Variants in CAMK2D observed in about 807,000 individuals in gnomAD.
CAMK2D encodes calcium/calmodulin-dependent protein kinase type II subunit delta.
CAMK2D carries 37 observed loss-of-function variants against 84.0 expected under a neutral mutation model. The observed-to-expected ratio is 0.44, with a 90% CI of 0.34 to 0.58. The LOEUF is 0.58. CAMK2D is among the 20% of genes least tolerant of loss of function. CAMK2D has a pLI of 0.02. For synonymous variants in CAMK2D, 202 were observed against 212.5 expected, an observed-to-expected ratio of 0.95 and a Z score of 0.43; for missense variants, 448 against 652.5, an observed-to-expected ratio of 0.69 and a Z score of 3.41.
intron 2 of CAMK2D, among the ~76,000 whole-genome samples, chr4:113,686,683 C>G (rs562420042): frequency 6.6e-6 from 1 of 152,180 alleles, no homozygotes; most frequent in Admixed American, 6.5e-5. Context: ...ATCTGGAGTC[C>G]TACAATGCTC....
Position 113,761,225 on chromosome 4 carries a change from G to C in CAMK2D, c.-157C>G, listed in dbSNP as rs1594297041. 1 of 1,503,360 alleles carries C rather than the reference G, an allele frequency of 6.7e-7. No homozygotes were observed. The highest frequency in any genetic ancestry group is 2.5e-5 in the East Asian group (1 of 40,734). The allele number at this position is 1,503,360 out of a possible 1,614,324, so 93.1% of individuals were successfully genotyped here. ...CGCCCGCGAGGGAGTGTGCGCAGGG[G>C]CGGGGCGGGAGGGGAGATGACCAGA... On this transcript the variant is annotated 5_prime_UTR_variant, in exon 1 of 21. Coordinates refer to ENST00000511664, the MANE Select transcript of CAMK2D (RefSeq NM_001321571.2).
chr4:113,563,097 T>G (rs1482841364), intron 4 of CAMK2D, among the ~76,000 whole-genome samples: 1 of 151,918 alleles, frequency 6.6e-6, no homozygotes, highest in Non-Finnish European at 1.5e-5. Context: ...CTACTAAAAA[T>G]ACAAAAGTTA....
At chr4:113,603,773 T>TTA (rs139576985) in intron 4 of CAMK2D, among the ~76,000 whole-genome samples, 25,227 of 127,256 alleles carry the variant, frequency 0.2, 2,567 homozygotes, top group Non-Finnish European at 0.25. Flanking sequence ...TCTTGCTATT[T>TTA]TATATATATA....
At chr4:113,725,999 CAT>C (rs1160513443) in intron 2 of CAMK2D, among the ~76,000 whole-genome samples, 3 of 152,146 alleles carry the variant, frequency 2.0e-5, no homozygotes, top group Non-Finnish European at 4.4e-5. Context: ...AAAGTGAAAG[CAT>C]AGAGATGAAA....
chr4:113,575,471 T>C (rs948224037), intron 4 of CAMK2D, among the ~76,000 whole-genome samples: 7 of 152,180 alleles, frequency 4.6e-5, no homozygotes, highest in African/African-American at 7.2e-5. Flanking sequence ...AAAATATAAT[T>C]TTCTTAAAGA....
intron 3 of CAMK2D, among the ~76,000 whole-genome samples, chr4:113,640,565 A>G (rs1210659808): frequency 6.6e-6 from 1 of 152,188 alleles, no homozygotes; most frequent in Admixed American, 6.5e-5. Flanking sequence ...CAGTATTGTA[A>G]TGGGGAAGGT....
chr4:113,731,004 A>C (rs2099567465), intron 2 of CAMK2D, among the ~76,000 whole-genome samples: 1 of 152,196 alleles, frequency 6.6e-6, no homozygotes, highest in Non-Finnish European at 1.5e-5. Flanking sequence ...ACATATTTCA[A>C]ATGACTGACT....
chr4:113,669,526 G>GGAA (rs1224163443), intron 2 of CAMK2D, among the ~76,000 whole-genome samples: 2 of 151,992 alleles, frequency 1.3e-5, no homozygotes, highest in South Asian at 4.1e-4. Context: ...GATTTCCTTT[G>GGAA]GAAGATCAAG....
chr4:113,530,103 C>T (rs1199904017), intron 8 of CAMK2D, among the ~76,000 whole-genome samples: 1 of 152,186 alleles, frequency 6.6e-6, no homozygotes. Flanking sequence ...AGAATATCAA[C>T]TTCAAATTTA....
intron 4 of CAMK2D, among the ~76,000 whole-genome samples, chr4:113,557,965 C>T (rs760893131): frequency 3.9e-5 from 6 of 152,180 alleles, no homozygotes; most frequent in Non-Finnish European, 8.8e-5. Context: ...CATTAGGCTT[C>T]CCTGCCAAGC....
At chr4:113,593,821 A>G (rs1382453072) in intron 4 of CAMK2D, among the ~76,000 whole-genome samples, 6 of 152,140 alleles carry the variant, frequency 3.9e-5, no homozygotes, top group Non-Finnish European at 8.8e-5. Flanking sequence ...CAGGCTTATG[A>G]AAAGACTGAG....
intron 3 of CAMK2D, among the ~76,000 whole-genome samples, chr4:113,628,648 G>A (rs977281539): frequency 6.6e-5 from 10 of 152,066 alleles, no homozygotes; most frequent in Non-Finnish European, 1.3e-4. Context: ...GCTCTCTGAA[G>A]ATGATGCACG....
chr4:113,473,809 G>T (rs1270024518), intron 16 of CAMK2D, among the ~76,000 whole-genome samples: 1 of 152,088 alleles, frequency 6.6e-6, no homozygotes, highest in Non-Finnish European at 1.5e-5. Context: ...GAAAGATCTA[G>T]CATTGGGATC....
intron 2 of CAMK2D, among the ~76,000 whole-genome samples, chr4:113,690,749 G>T (rs1490514713): frequency 6.6e-6 from 1 of 152,142 alleles, no homozygotes; most frequent in Non-Finnish European, 1.5e-5. Flanking sequence ...TTGAATTAAT[G>T]TATTCACATA....
chr4:113,584,082 A>C, intron 4 of CAMK2D, among the ~76,000 whole-genome samples: 1 of 152,264 alleles, frequency 6.6e-6, no homozygotes, highest in East Asian at 1.9e-4. Context: ...TGGGTATCTC[A>C]AGTTATTTCT....
chr4:113,549,124 T>C (rs1376460153), intron 5 of CAMK2D, among the ~76,000 whole-genome samples: 1 of 152,190 alleles, frequency 6.6e-6, no homozygotes, highest in African/African-American at 2.4e-5. Context: ...ACATCTAAAC[T>C]GTTTAAAATC....
chr4:113,723,662 C>CA (rs113052736), intron 2 of CAMK2D, among the ~76,000 whole-genome samples: 16,016 of 151,956 alleles, frequency 0.11, 1,389 homozygotes, highest in African/African-American at 0.24. Flanking sequence ...CAAAACTCTG[C>CA]AAAAAATTAT....
At chr4:113,631,076 A>G (rs2099087623) in intron 3 of CAMK2D, among the ~76,000 whole-genome samples, 1 of 152,178 alleles carries the variant, frequency 6.6e-6, no homozygotes, top group Non-Finnish European at 1.5e-5. Context: ...GTACTAATGG[A>G]GTCCAGGGGC....
At chr4:113,626,752 T>C (rs1480498215) in intron 3 of CAMK2D, among the ~76,000 whole-genome samples, 2 of 152,214 alleles carry the variant, frequency 1.3e-5, no homozygotes, top group African/African-American at 4.8e-5. Context: ...TCAGCTGTTT[T>C]CTTCAACTGG....
Sources: gnomAD v4.1 joint callset for allele counts (sites outside exome capture counted in the v4.1 genomes callset) on GRCh38, gnomAD v4.1.1 for gene constraint, MANE v1.5 for transcripts, NCBI Gene and HGNC (gene_info 2026-07-23, HGNC 2026-07-21) for gene names.